The following NECTIN1 variants were observed in gnomAD, a reference collection of about 807,000 sequenced individuals.
NECTIN1 encodes nectin-1.
In NECTIN1, 23 loss-of-function variants were observed where a neutral mutation model predicts 48.0. The ratio of observed to expected loss-of-function variants is 0.48; its 90% CI spans 0.34 to 0.68. The LOEUF (loss-of-function observed/expected upper bound fraction) is 0.68, where lower values mean the gene tolerates loss of function less well. Among genes scored for constraint, NECTIN1 ranks in the 30% least tolerant of loss-of-function variants. The pLI, the probability that NECTIN1 is intolerant of heterozygous loss-of-function variation, is 0.01. For synonymous variants in NECTIN1, 270 were observed against 288.9 expected, an observed-to-expected ratio of 0.93 and a Z score of 0.66; for missense variants, 591 against 709.9, an observed-to-expected ratio of 0.83 and a Z score of 1.90.
In NECTIN1 at chr11:119,665,624, G is replaced by A. The variant is rs1864755504; in HGVS notation, c.1004-327C>T. ...ATGGTGCAGTGAGACACGTGTGCCA[G>A]TTCCAGCTGCAGCACACTGCCCACT... On this transcript the variant is annotated intron_variant, in intron 5 of 5. Coordinates refer to ENST00000264025, the MANE Select transcript of NECTIN1 (RefSeq NM_002855.5). The surrounding 1 kb of genome is among the most constrained non-coding windows in gnomAD (Gnocchi z 5.1). Among the ~76,000 whole-genome samples, 2 of 152,174 alleles carry A rather than the reference G, an allele frequency of 1.3e-5. No homozygotes were observed. The highest frequency in any genetic ancestry group is 2.9e-5 in the Non-Finnish European group (2 of 68,024).
Position 119,683,553 on chromosome 11 carries a change from C to A in NECTIN1, c.80-4788G>T, listed in dbSNP as rs1169500302. Among the ~76,000 whole-genome samples, 1 of 150,216 alleles carries A rather than the reference C, an allele frequency of 6.7e-6. No individual in the cohort carries two copies. Among genetic ancestry groups the A allele is most frequent in the Non-Finnish European group, 1.5e-5 (1 of 67,716 alleles). The stretch of plus-strand genomic sequence containing the variant: ...TGGGTGTCAGGTGATAGGTCAGAAA[C>A]AGGGGCTTTGGGGATCCCGGGTGTG... On this transcript the variant is annotated intron_variant, in intron 1 of 5. Coordinates refer to ENST00000264025, the MANE Select transcript of NECTIN1 (RefSeq NM_002855.5). The surrounding 1 kb of genome is among the most constrained non-coding windows in gnomAD (Gnocchi z 4.0).
chr11:119,700,334 G>T (rs768974424), intron 1 of NECTIN1, among the ~76,000 whole-genome samples: 7 of 152,230 alleles, frequency 4.6e-5, no homozygotes, highest in Non-Finnish European at 7.3e-5. Context: ...TTTGTCAAGT[G>T]CGGACACCTA....
chr11:119,638,982 T>C (rs1418039329), intron 6 of NECTIN1, among the ~76,000 whole-genome samples: 3 of 151,804 alleles, frequency 2.0e-5, no homozygotes, highest in Non-Finnish European at 4.4e-5. Context: ...TCAGGGGTCA[T>C]GGGTTACAGG....
chr11:119,650,258 A>G (rs976206499), intron 5 of NECTIN1, among the ~76,000 whole-genome samples: 1 of 152,180 alleles, frequency 6.6e-6, no homozygotes, highest in Non-Finnish European at 1.5e-5. Flanking sequence ...GTGTACGTGC[A>G]GGTCACAGGG....
chr11:119,646,571 A>G (rs1195495172), intron 5 of NECTIN1, among the ~76,000 whole-genome samples: 1 of 152,144 alleles, frequency 6.6e-6, no homozygotes, highest in East Asian at 1.9e-4. Context: ...ATTTTATTTG[A>G]TGCCCCCACC....
chr11:119,703,261 G>T (rs778233664), intron 1 of NECTIN1, among the ~76,000 whole-genome samples: 1 of 152,238 alleles, frequency 6.6e-6, no homozygotes, highest in Admixed American at 6.5e-5. Flanking sequence ...ATCTGACCAC[G>T]AGTTTCTTCT....
downstream of NECTIN1, chr11:119,660,984 C>A (rs1343475585): frequency 1.0e-6 from 1 of 973,668 alleles, no homozygotes; most frequent in Admixed American, 6.2e-5. Context: ...TGATGGGATG[C>A]AAACCAGTTT....
At chr11:119,685,550 GA>G (rs1461701781) in intron 1 of NECTIN1, among the ~76,000 whole-genome samples, 4 of 152,202 alleles carry the variant, frequency 2.6e-5, no homozygotes, top group African/African-American at 9.6e-5. Flanking sequence ...ATGAGTCAGG[GA>G]GCTGAGTTTT....
At chr11:119,669,578 C>CT (rs1864834036) in intron 5 of NECTIN1, among the ~76,000 whole-genome samples, 1 of 152,164 alleles carries the variant, frequency 6.6e-6, no homozygotes, top group African/African-American at 2.4e-5. Flanking sequence ...TTCCACACAG[C>CT]AGCCAGACAA....
intron 5 of NECTIN1, among the ~76,000 whole-genome samples, chr11:119,674,034 G>A (rs900208613): frequency 1.8e-4 from 27 of 152,172 alleles, no homozygotes; most frequent in African/African-American, 5.6e-4. Context: ...ACAACTTCAC[G>A]TGGCTCTTTC....
At chr11:119,666,696 G>C (rs567518864) in intron 5 of NECTIN1, among the ~76,000 whole-genome samples, 1 of 152,214 alleles carries the variant, frequency 6.6e-6, no homozygotes, top group African/African-American at 2.4e-5. Context: ...CAGTTTGCCC[G>C]TATACTGTTT....
chr11:119,727,353 C>T lies in NECTIN1; in HGVS notation c.79+1122G>A. ...TACACTGACCCCCTATTCTGCCACC[C>T]CAAGGCGGGGACCACGTGCTCCAGT... On this transcript the variant is annotated intron_variant, in intron 1 of 5. Transcript: ENST00000264025. This position sits in a 1 kb window ranked among gnomAD's most constrained non-coding sequence, Gnocchi z 4.1. Among the ~76,000 whole-genome samples the T allele has an allele frequency of 6.6e-6, 1 of 152,164 alleles. No individual in the cohort carries two copies. The highest frequency in any genetic ancestry group is 1.9e-4 in the East Asian group (1 of 5,184).
chr11:119,693,162 T>A (rs184631761), intron 1 of NECTIN1, among the ~76,000 whole-genome samples: 6 of 152,226 alleles, frequency 3.9e-5, no homozygotes, highest in Admixed American at 2.0e-4. Flanking sequence ...TCTTGCCTCC[T>A]CGTCCCAGAG....
In NECTIN1 at chr11:119,670,342, G is replaced by C. The variant is rs376764510; in HGVS notation, c.1003+4817C>G. Reference sequence around the variant, plus strand: ...AGCTCCACAAGGATAGGGACTTTTTGTCTGTTTTGCTCATGGATTTATACC... The same window carrying C: ...AGCTCCACAAGGATAGGGACTTTTTCTCTGTTTTGCTCATGGATTTATACC... On this transcript the variant is annotated intron_variant, in intron 5 of 5. Transcript: ENST00000264025. 1.5e-4 allele frequency among the ~76,000 whole-genome samples: 23 copies of C among 152,270 alleles called. No homozygotes were observed. In the East Asian group the frequency reaches 3.7e-3, roughly 24 times the overall value.
chr11:119,690,675 T>C (rs907174168), intron 1 of NECTIN1, among the ~76,000 whole-genome samples: 4 of 152,160 alleles, frequency 2.6e-5, no homozygotes, highest in African/African-American at 9.7e-5. Context: ...TTCCCTTGGC[T>C]GATGAGAGAA....
chr11:119,669,760 A>G (rs7118532), intron 5 of NECTIN1, among the ~76,000 whole-genome samples: 76,340 of 151,748 alleles, frequency 0.5, 20,649 homozygotes, highest in African/African-American at 0.71. Flanking sequence ...CTGCCCCCTG[A>G]AAGCCACTTC....
intron 1 of NECTIN1, among the ~76,000 whole-genome samples, chr11:119,706,621 T>G (rs1243312073): frequency 6.6e-6 from 1 of 152,232 alleles, no homozygotes; most frequent in Non-Finnish European, 1.5e-5. Flanking sequence ...AACGGCATGA[T>G]ATTGCCCCCA....
In NECTIN1 at chr11:119,661,483, G is replaced by A. The variant is rs1332510294; in HGVS notation, c.*3264C>T. 1 of 985,886 alleles carries A rather than the reference G, an allele frequency of 1.0e-6. No homozygotes were observed. Among genetic ancestry groups the A allele is most frequent in the East Asian group, 1.1e-4 (1 of 8,814 alleles). 61.1% of individuals were successfully genotyped at this position (985,886 alleles called of 1,614,324 possible). A position where few individuals can be genotyped will look rare whatever the true frequency, so the allele number is the denominator to read the frequency against. On this transcript the variant is annotated 3_prime_UTR_variant, in exon 6 of 6. Coordinates refer to ENST00000264025, the MANE Select transcript of NECTIN1 (RefSeq NM_002855.5). ...CCCTCACTAGGAGAGGGTTTCTGTT[G>A]GCAGTCAGGCTTTGGGGGTCTCTGT...
At chr11:119,658,349 C>T (rs914325578), downstream of NECTIN1, among the ~76,000 whole-genome samples, 10 of 152,144 alleles carry the variant, frequency 6.6e-5, no homozygotes, top group Non-Finnish European at 1.2e-4. Flanking sequence ...TAGAGCAGGA[C>T]TTGGCCTGGC....
Sources: allele counts gnomAD v4.1 joint callset (sites outside exome capture counted in the v4.1 genomes callset), GRCh38; gene constraint gnomAD v4.1.1; non-coding constraint Gnocchi (gnomAD v3.1); transcripts MANE v1.5; gene names NCBI Gene and HGNC (gene_info 2026-07-23, HGNC 2026-07-21).